Variants in AAK1 observed in about 807,000 individuals in gnomAD.
AAK1 encodes the protein AP2 associated kinase 1.
Under a neutral mutation model 116.0 loss-of-function variants are expected in AAK1, and 37 were observed. The observed-to-expected ratio is 0.32, with a 90% CI of 0.25 to 0.42. The LOEUF is 0.42. Among genes scored for constraint, AAK1 ranks in the 10% least tolerant of loss-of-function variants. The pLI, the probability that AAK1 is intolerant of heterozygous loss-of-function variation, is 1.00. For missense variants in AAK1, 919 were observed against 1,170.6 expected, an observed-to-expected ratio of 0.79 and a Z score of 3.14; for synonymous variants, 458 against 439.9, an observed-to-expected ratio of 1.04 and a Z score of -0.51.
chr2:69,528,557 C>A (rs1670115326), intron 8 of AAK1, among the ~76,000 whole-genome samples: 1 of 152,152 alleles, frequency 6.6e-6, no homozygotes, highest in African/African-American at 2.4e-5. Context: ...CTCTTGCTAG[C>A]TGGATCCAAA....
chr2:69,638,145 T>A (rs1307040046), intron 2 of AAK1, among the ~76,000 whole-genome samples: 1 of 152,196 alleles, frequency 6.6e-6, no homozygotes, highest in African/African-American at 2.4e-5. Context: ...ACATCTGAAG[T>A]GGGAGGGATC....
intron 20 of AAK1, among the ~76,000 whole-genome samples, chr2:69,477,450 C>CA (rs1674896551): frequency 1.3e-5 from 2 of 151,956 alleles, no homozygotes; most frequent in Admixed American, 1.3e-4. Context: ...ATAATGCAAA[C>CA]AAAATACTGC....
intron 3 of AAK1, among the ~76,000 whole-genome samples, chr2:69,546,875 G>A (rs921762282): frequency 7.7e-4 from 117 of 152,206 alleles, no homozygotes; most frequent in African/African-American, 2.6e-3. Context: ...TAAGGAGCTT[G>A]CTCCAGCACA....
At chr2:69,485,562 T>G (rs988312790) in intron 17 of AAK1, among the ~76,000 whole-genome samples, 1 of 152,178 alleles carries the variant, frequency 6.6e-6, no homozygotes, top group African/African-American at 2.4e-5. Flanking sequence ...CGAACCTTTG[T>G]ATCCCAGTTC....
intron 18 of AAK1, chr2:69,481,534 C>G (rs942759097): frequency 1.3e-5 from 2 of 152,426 alleles, no homozygotes; most frequent in African/African-American, 4.8e-5. Context: ...ACGTGACACC[C>G]CTCAGCTGCA....
chr2:69,612,899 A>C (rs1159374716), intron 2 of AAK1, among the ~76,000 whole-genome samples: 1 of 152,228 alleles, frequency 6.6e-6, no homozygotes, highest in Non-Finnish European at 1.5e-5. Context: ...TACCTGGAGA[A>C]GTGCTGACTA....
chr2:69,625,174 C>T (rs1343472815), intron 2 of AAK1, among the ~76,000 whole-genome samples: 8 of 152,204 alleles, frequency 5.3e-5, no homozygotes, highest in Non-Finnish European at 1.0e-4. Flanking sequence ...TCACTAAGAG[C>T]CTCTTTATTG....
Position 69,607,238 on chromosome 2 carries a change from T to C in AAK1, c.163+35640A>G, listed in dbSNP as rs528509406. On this transcript the variant is annotated intron_variant, in intron 2 of 21. Transcript: ENST00000409085. ...GTGAAGGAGGTGAGTGGGCAGAGCA[T>C]GGGGCTATTTGGAGGAAGAGAACCC... 3.9e-3 allele frequency among the ~76,000 whole-genome samples: 592 copies of C among 151,946 alleles called. 4 individuals are homozygous for C. Among genetic ancestry groups the C allele is most frequent in the African/African-American group, 0.013 (558 of 41,406 alleles).
At position 69,468,678 on chromosome 2, in the gene AAK1, T is replaced by C. The variant is rs1674572285; in HGVS notation, c.*7191A>G. ...AACTGAATTCAGTTAAAACAATTTG[T>C]GCACAGAGACTGGCAAAAAAGCAGC... is the stretch of plus-strand genomic sequence containing the variant. On this transcript the variant is annotated 3_prime_UTR_variant, in exon 22 of 22. Coordinates refer to ENST00000409085, the MANE Select transcript of AAK1 (RefSeq NM_014911.5). 1.0e-6 allele frequency: 1 copy of C among 985,320 alleles called. No individual in the cohort carries two copies. Among genetic ancestry groups the C allele is most frequent in the African/African-American group, 1.7e-5 (1 of 57,248 alleles). 61.0% of individuals were successfully genotyped at this position (985,320 alleles called of 1,614,324 possible).
intron 5 of AAK1, among the ~76,000 whole-genome samples, chr2:69,542,113 A>G (rs1670747733): frequency 6.6e-6 from 1 of 152,258 alleles, no homozygotes; most frequent in South Asian, 2.1e-4. Context: ...TGAAAGGCAC[A>G]GTGCAAGGTG....
At chr2:69,587,156 C>T (rs907316851) in intron 2 of AAK1, among the ~76,000 whole-genome samples, 3 of 151,372 alleles carry the variant, frequency 2.0e-5, no homozygotes, top group Non-Finnish European at 4.4e-5. Flanking sequence ...ATGCTGACAG[C>T]TCGCTGCAGC....
At position 69,514,516 on chromosome 2, in the gene AAK1, T is replaced by C. The variant is rs1299569793; in HGVS notation, c.1731A>G (p.Pro577=). The change falls in exon 13 of 22, where the codon CCA becomes CCG. Residue 577 remains proline, a synonymous_variant. Transcript: ENST00000409085. ...CTGGCTGTGGGGCTGCAGCTGGCTG[T>C]GGCTGGGGCTGCTGTCCTGCTGCCA... ...PTMAAGQQPQ[P]QPAAAPQPAP... 1 of 1,551,032 alleles carries C rather than the reference T, an allele frequency of 6.4e-7. No individual in the cohort carries two copies. Among genetic ancestry groups the C allele is most frequent in the African/African-American group, 1.4e-5 (1 of 73,156 alleles).
chr2:69,564,428 A>C (rs1416954483), intron 2 of AAK1, among the ~76,000 whole-genome samples: 2 of 151,976 alleles, frequency 1.3e-5, no homozygotes, highest in Non-Finnish European at 2.9e-5. Context: ...AAAAAAAAAA[A>C]GGAGCAATTC....
intron 3 of AAK1, among the ~76,000 whole-genome samples, chr2:69,555,942 T>G (rs970632245): frequency 6.6e-6 from 1 of 152,152 alleles, no homozygotes; most frequent in Non-Finnish European, 1.5e-5. Flanking sequence ...CTCATAATTC[T>G]GCTTTGATCA....
At chr2:69,601,158 T>C (rs760416032) in intron 2 of AAK1, among the ~76,000 whole-genome samples, 1 of 152,348 alleles carries the variant, frequency 6.6e-6, no homozygotes, top group African/African-American at 2.4e-5. Context: ...ATTTGCTTTA[T>C]TGCAGTGGTC....
chr2:69,510,384 C>CT (rs1246389903), intron 13 of AAK1, among the ~76,000 whole-genome samples: 4 of 152,276 alleles, frequency 2.6e-5, no homozygotes, highest in East Asian at 3.9e-4. Flanking sequence ...CATCCTCCTT[C>CT]TTTTTTATGG....
At chr2:69,553,138 T>C (rs186650815) in intron 3 of AAK1, among the ~76,000 whole-genome samples, 1 of 152,248 alleles carries the variant, frequency 6.6e-6, no homozygotes. Context: ...AGTTTCTAGA[T>C]TGAAAGGGAC....
chr2:69,531,695 T>G (rs1453130918), intron 6 of AAK1: 3 of 1,028,112 alleles, frequency 2.9e-6, no homozygotes, highest in Non-Finnish European at 3.5e-6. Context: ...ATGTCATGGT[T>G]GTTGTGATCA....
intron 15 of AAK1, among the ~76,000 whole-genome samples, chr2:69,506,250 A>G (rs1676180666): frequency 6.6e-6 from 1 of 152,238 alleles, no homozygotes; most frequent in Admixed American, 6.5e-5. Context: ...AGTAGTCTAT[A>G]GAGGTATTTC....
Sources: allele counts gnomAD v4.1 joint callset (sites outside exome capture counted in the v4.1 genomes callset), GRCh38; gene constraint gnomAD v4.1.1; transcripts MANE v1.5; gene names NCBI Gene and HGNC (gene_info 2026-07-23, HGNC 2026-07-21).